ZCCHC14: variants seen among roughly 807,000 people sequenced by gnomAD.
The protein encoded by ZCCHC14 is zinc finger CCHC domain-containing protein 14.
A neutral mutation model predicts 85.0 loss-of-function variants in ZCCHC14; 16 were observed. That is an observed-to-expected ratio of 0.19 (90% CI 0.13 to 0.29). The LOEUF (loss-of-function observed/expected upper bound fraction) is 0.29, where lower values mean the gene tolerates loss of function less well. Among genes scored for constraint, ZCCHC14 ranks in the 10% least tolerant of loss-of-function variants. The pLI is 1.00. For missense variants in ZCCHC14, 1,303 were observed against 1,443.5 expected (o/e 0.90, Z 1.58); for synonymous variants, 775 against 630.7 (o/e 1.23, Z -3.43).
intron 3 of ZCCHC14, among the ~76,000 whole-genome samples, chr16:87,431,866 C>T (rs1021045911): frequency 2.0e-4 from 31 of 152,216 alleles, no homozygotes; most frequent in Non-Finnish European, 5.9e-5. Flanking sequence ...TCCGCCTGGG[C>T]TGCACGACAT....
At chr16:87,484,616 C>T (rs1193932812) in intron 1 of ZCCHC14, among the ~76,000 whole-genome samples, 1 of 152,188 alleles carries the variant, frequency 6.6e-6, no homozygotes, top group Non-Finnish European at 1.5e-5. Flanking sequence ...TGGAAAGACA[C>T]ACACCAACCT....
intron 3 of ZCCHC14, among the ~76,000 whole-genome samples, chr16:87,432,793 C>T (rs1909726214): frequency 6.6e-6 from 1 of 152,202 alleles, no homozygotes; most frequent in South Asian, 2.1e-4. Flanking sequence ...CATCAGTCTC[C>T]AGAGGCACCA....
chr16:87,406,860 C>T lies in ZCCHC14; in HGVS notation c.*3420G>A, dbSNP rs1908224322. The T allele has an allele frequency of 6.6e-6, 1 of 152,230 alleles. No homozygotes were observed. The highest frequency in any genetic ancestry group is 2.4e-5 in the African/African-American group (1 of 41,452). 9.4% of individuals were successfully genotyped at this position (152,230 alleles called of 1,614,324 possible). A position where few individuals can be genotyped will look rare whatever the true frequency, so the allele number is the denominator to read the frequency against. On this transcript the variant is annotated 3_prime_UTR_variant, in exon 13 of 13. Transcript: ENST00000671377. ...GCCACCTGACTCATTCTTTGGAAGTCACCTGCATGCTGGAAATGGCAGCCA... is the reference window on the plus strand; with the variant it reads ...GCCACCTGACTCATTCTTTGGAAGTTACCTGCATGCTGGAAATGGCAGCCA...
In ZCCHC14 at chr16:87,467,740, C is replaced by T. The variant is rs1470837936; in HGVS notation, c.571-7609G>A. 5 of 580,718 alleles carry T rather than the reference C, an allele frequency of 8.6e-6. No homozygotes were observed. In the Admixed American group the frequency reaches 1.0e-4, roughly 12 times the overall value. The allele number at this position is 580,718 out of a possible 1,614,324, so 36.0% of individuals were successfully genotyped here. A position where few individuals can be genotyped will look rare whatever the true frequency, so the allele number is the denominator to read the frequency against. On this transcript the variant is annotated intron_variant, in intron 1 of 12. Coordinates refer to ENST00000671377, the MANE Select transcript of ZCCHC14 (RefSeq NM_015144.3). ...GATCTTGGCTCACTGCAAGCTCCGC[C>T]TCCCGGGTTCACACCATTCTCCTGC...
intron 6 of ZCCHC14, among the ~76,000 whole-genome samples, chr16:87,419,290 G>A (rs904937136): frequency 4.0e-5 from 6 of 150,348 alleles, no homozygotes; most frequent in African/African-American, 7.3e-5. Flanking sequence ...CACCACGCCC[G>A]GCTAATTTTG....
chr16:87,443,542 C>T (rs946154933), intron 2 of ZCCHC14, among the ~76,000 whole-genome samples: 2 of 151,896 alleles, frequency 1.3e-5, no homozygotes, highest in Admixed American at 1.3e-4. Context: ...TAGAGACTAG[C>T]CTGGGCAACA....
At chr16:87,452,269 C>G (rs1910742893) in intron 2 of ZCCHC14, among the ~76,000 whole-genome samples, 1 of 152,234 alleles carries the variant, frequency 6.6e-6, no homozygotes. Flanking sequence ...ATGCTGGGAT[C>G]AATCACCAAT....
At chr16:87,461,555 C>G (rs376947153) in intron 1 of ZCCHC14, among the ~76,000 whole-genome samples, 45 of 152,328 alleles carry the variant, frequency 3.0e-4, no homozygotes, top group Middle Eastern at 3.4e-3. Context: ...TCCACTTGTT[C>G]TTTCATCTCA....
At chr16:87,470,496 C>G (rs917943592) in intron 1 of ZCCHC14, 4 of 152,108 alleles carry the variant, frequency 2.6e-5, no homozygotes, top group Non-Finnish European at 4.4e-5. Flanking sequence ...ACTGTCTGGA[C>G]AGCAAGGAGG....
At chr16:87,441,906 A>G (rs1324422053) in intron 2 of ZCCHC14, among the ~76,000 whole-genome samples, 6 of 152,176 alleles carry the variant, frequency 3.9e-5, no homozygotes, top group African/African-American at 1.4e-4. Context: ...CTCCTCTCTG[A>G]TGTGGGGGCT....
chr16:87,478,976 A>C (rs1912146614), intron 1 of ZCCHC14, among the ~76,000 whole-genome samples: 1 of 152,222 alleles, frequency 6.6e-6, no homozygotes, highest in African/African-American at 2.4e-5. Flanking sequence ...TAAAATGCCC[A>C]AAACAGAGTA....
chr16:87,411,813 T>C lies in ZCCHC14; in HGVS notation c.2908A>G (p.Ser970Gly). 1 of 1,611,882 alleles carries C rather than the reference T, an allele frequency of 6.2e-7. No homozygotes were observed. Among genetic ancestry groups the C allele is most frequent in the Non-Finnish European group, 8.5e-7 (1 of 1,179,264 alleles). The change falls in exon 12 of 13, where the codon AGC (serine) becomes GGC (glycine). Residue 970 changes from serine (S) to glycine (G), a missense_variant. Transcript: ENST00000671377. The part of the protein sequence containing the change: ...PFLPFSPMCS[S>G]GYVSAQQYGG... The stretch of plus-strand genomic sequence containing the variant: ...TACTGCTGGGCGCTGACGTAGCCGC[T>C]GCTGCACATGGGACTGAAGGGCAAG...
intron 3 of ZCCHC14, 41 bp downstream of exon 3, chr16:87,433,087 T>C (rs1476466639): frequency 1.9e-6 from 3 of 1,596,384 alleles, no homozygotes; most frequent in South Asian, 1.1e-5. Flanking sequence ...GTTTTCTTCC[T>C]AGCCTTCCAG....
chr16:87,479,987 C>G (rs1189904315), intron 1 of ZCCHC14, among the ~76,000 whole-genome samples: 1 of 151,786 alleles, frequency 6.6e-6, no homozygotes, highest in Admixed American at 6.6e-5. Flanking sequence ...TGTTGCCAGG[C>G]TGGTCTTGAA....
chr16:87,411,872 G>C lies in ZCCHC14; in HGVS notation c.2849C>G (p.Pro950Arg). ...TVSYANYFQH[P>R]FSGPSVFTFP... ...GGTGAACACGGACGGACCGGAGAAC[G>C]GGTGCTGGAAGTAGTTGGCGTAGCT... The change falls in exon 12 of 13, where the codon CCG (proline) becomes CGG (arginine). Residue 950 changes from proline (P) to arginine (R), a missense_variant. Coordinates refer to ENST00000671377, the MANE Select transcript of ZCCHC14 (RefSeq NM_015144.3). 1 of 1,604,260 alleles carries C rather than the reference G, an allele frequency of 6.2e-7. No individual in the cohort carries two copies. Among genetic ancestry groups the C allele is most frequent in the East Asian group, 2.2e-5 (1 of 44,452 alleles).
chr16:87,443,767 C>T (rs7191415), intron 2 of ZCCHC14, among the ~76,000 whole-genome samples: 76,724 of 151,216 alleles, frequency 0.51, 20,858 homozygotes, highest in African/African-American at 0.6. Context: ...CCAGGAGCTG[C>T]AGCTCATGCC....
chr16:87,456,675 T>C (rs897521970), intron 2 of ZCCHC14, among the ~76,000 whole-genome samples: 7 of 152,006 alleles, frequency 4.6e-5, no homozygotes, highest in East Asian at 1.9e-4. Context: ...CAACGCTGCA[T>C]GGCAAACACA....
rs1318912114 is a variant in ZCCHC14 at position 87,408,226 on chromosome 16, T to C, written c.*2054A>G. On this transcript the variant is annotated 3_prime_UTR_variant, in exon 13 of 13. Coordinates refer to ENST00000671377, the MANE Select transcript of ZCCHC14 (RefSeq NM_015144.3). Reference sequence around the variant, plus strand: ...CTATACTGACCACTAAAACAAAAATTCCAATGTTTTTTCCTTTTGTTATGA... The same window carrying C: ...CTATACTGACCACTAAAACAAAAATCCCAATGTTTTTTCCTTTTGTTATGA... The C allele has an allele frequency of 6.6e-6, 1 of 152,576 alleles. No homozygotes were observed. The highest frequency in any genetic ancestry group is 1.5e-5 in the Non-Finnish European group (1 of 68,026). The allele number at this position is 152,576 out of a possible 1,614,324, so 9.5% of individuals were successfully genotyped here. A position where few individuals can be genotyped will look rare whatever the true frequency, so the allele number is the denominator to read the frequency against.
rs925035744 is a variant in ZCCHC14, at chr16:87,420,036, T to A, written c.951-159A>T. Among the ~76,000 whole-genome samples, 1 of 152,154 alleles carries A rather than the reference T, an allele frequency of 6.6e-6. No homozygotes were observed. Among genetic ancestry groups the A allele is most frequent in the African/African-American group, 2.4e-5 (1 of 41,450 alleles). On this transcript the variant is annotated intron_variant, in intron 5 of 12. Transcript: ENST00000671377. This position sits in a 1 kb window ranked among gnomAD's most constrained non-coding sequence, Gnocchi z 5.0. The stretch of plus-strand genomic sequence containing the variant: ...TTCTTCCTGCTTTAATTCAACTGAG[T>A]TCTTGCCCGACTGCCACTGCTTCTT...
Sources: allele counts gnomAD v4.1 joint callset (sites outside exome capture counted in the v4.1 genomes callset), GRCh38; gene constraint gnomAD v4.1.1; non-coding constraint Gnocchi (gnomAD v3.1); transcripts MANE v1.5; gene names NCBI Gene and HGNC (gene_info 2026-07-23, HGNC 2026-07-21).